Variants in ADAM32 observed in about 807,000 individuals in gnomAD.
ADAM32 encodes the protein ADAM metallopeptidase domain 32.
In ADAM32, 89 loss-of-function variants were observed where a neutral mutation model predicts 114.9. That is an observed-to-expected ratio of 0.77 (90% confidence interval 0.65 to 0.92). ADAM32 has a LOEUF of 0.92. Among genes scored for constraint, ADAM32 ranks in the 40% least tolerant of loss-of-function variants. The probability of loss-of-function intolerance (pLI) is 0.00; values close to 1 mark genes in which losing one functional copy is unlikely to be tolerated. For missense variants in ADAM32, 870 were observed against 932.8 expected, an observed-to-expected ratio of 0.93 and a Z score of 0.88; for synonymous variants, 285 against 307.5, an observed-to-expected ratio of 0.93 and a Z score of 0.77.
chr8:39,177,835 GC>G (rs1043007243), intron 10 of ADAM32, among the ~76,000 whole-genome samples: 27 of 152,230 alleles, frequency 1.8e-4, no homozygotes, highest in African/African-American at 6.3e-4. Flanking sequence ...TTGAATATTG[GC>G]CCCCAATCTC....
intron 23 of ADAM32, 73 bp from the exon 24 acceptor site, chr8:39,283,513 A>G (rs1813573778): frequency 8.0e-7 from 1 of 1,244,400 alleles, no homozygotes; most frequent in Non-Finnish European, 1.1e-6. Flanking sequence ...AATTGCCATA[A>G]CAAATAAATA....
At chr8:39,276,877 T>A (rs887368781) in intron 22 of ADAM32, among the ~76,000 whole-genome samples, 3 of 152,186 alleles carry the variant, frequency 2.0e-5, no homozygotes, top group African/African-American at 4.8e-5. Flanking sequence ...TCTCAGATAA[T>A]AAAGGCTATG....
At chr8:39,205,840 A>G (rs1331645146) in intron 11 of ADAM32, among the ~76,000 whole-genome samples, 3 of 152,126 alleles carry the variant, frequency 2.0e-5, no homozygotes, top group African/African-American at 7.2e-5. Context: ...TTTCTTTACT[A>G]TCATTATTTT....
intron 15 of ADAM32, among the ~76,000 whole-genome samples, chr8:39,233,251 T>C (rs1029803560): frequency 5.3e-5 from 8 of 152,202 alleles, no homozygotes; most frequent in African/African-American, 1.7e-4. Context: ...CTTACACTTA[T>C]TGTTACTTCT....
chr8:39,207,041 G>A (rs1005272768), intron 11 of ADAM32, among the ~76,000 whole-genome samples: 7 of 152,096 alleles, frequency 4.6e-5, no homozygotes, highest in African/African-American at 7.2e-5. Flanking sequence ...CTGTCCCACC[G>A]CTAGGACTGT....
At chr8:39,122,834 G>A (rs1801858819) in intron 2 of ADAM32, among the ~76,000 whole-genome samples, 1 of 152,208 alleles carries the variant, frequency 6.6e-6, no homozygotes, top group African/African-American at 2.4e-5. Context: ...CTCCCAAAGT[G>A]TTGGGATTAC....
At chr8:39,275,955 A>C in intron 22 of ADAM32, 89 bp downstream of exon 22, 2 of 1,269,034 alleles carry the variant, frequency 1.6e-6, no homozygotes, top group South Asian at 2.9e-5. Context: ...TTACTTGCTA[A>C]CTATTAACTG....
chr8:39,172,954 C>T (rs1805288847), intron 10 of ADAM32, among the ~76,000 whole-genome samples: 1 of 152,198 alleles, frequency 6.6e-6, no homozygotes, highest in Non-Finnish European at 1.5e-5. Flanking sequence ...TTTACATTCC[C>T]ACCAACAGTC....
chr8:39,267,168 G>A (rs1275498393), intron 19 of ADAM32, among the ~76,000 whole-genome samples: 2 of 152,204 alleles, frequency 1.3e-5, no homozygotes, highest in African/African-American at 4.8e-5. Flanking sequence ...TGTGCATGCT[G>A]GCAGGGTGGT....
intron 11 of ADAM32, among the ~76,000 whole-genome samples, chr8:39,187,529 C>T (rs1806326842): frequency 6.6e-6 from 1 of 152,188 alleles, no homozygotes; most frequent in African/African-American, 2.4e-5. Context: ...CCTCGGCCTC[C>T]CAAAGTGCTG....
intron 1 of ADAM32, among the ~76,000 whole-genome samples, chr8:39,114,803 A>G (rs1310893268): frequency 6.6e-6 from 1 of 152,156 alleles, no homozygotes; most frequent in Admixed American, 6.6e-5. Context: ...TCTATGTACA[A>G]ATGATTTCAT....
chr8:39,201,564 C>T (rs908182724), intron 11 of ADAM32, among the ~76,000 whole-genome samples: 2 of 152,192 alleles, frequency 1.3e-5, no homozygotes, highest in Admixed American at 6.5e-5. Flanking sequence ...ACAATCACGT[C>T]ATCTGCAAAC....
intron 11 of ADAM32, among the ~76,000 whole-genome samples, chr8:39,201,248 A>G (rs9771995): frequency 0.71 from 108,107 of 152,000 alleles, 38,616 homozygotes; most frequent in Middle Eastern, 0.79. Flanking sequence ...GATTCTTCCT[A>G]CCCATGAGCA....
intron 2 of ADAM32, chr8:39,130,956 C>CTTTTTTTTTTTTTT (rs71218310): frequency 3.5e-6 from 1 of 284,504 alleles, no homozygotes. Flanking sequence ...AGGAGGATGT[C>CTTTTTTTTTTTTTT]TTTTTTTTTT....
rs75564218 is a variant in ADAM32, at chr8:39,133,668, G to T, written c.139-2989G>T. Reference sequence around the variant, plus strand: ...CCCAGGCTCCTGGCTGGTGCATGTGGGTGGGCACTGGTCAGGGTTGTGGCA... The same window carrying T: ...CCCAGGCTCCTGGCTGGTGCATGTGTGTGGGCACTGGTCAGGGTTGTGGCA... On this transcript the variant is annotated intron_variant, in intron 2 of 24. Coordinates refer to ENST00000379907, the MANE Select transcript of ADAM32 (RefSeq NM_145004.7). Among the ~76,000 whole-genome samples, 7 of 152,358 alleles carry T rather than the reference G, an allele frequency of 4.6e-5. No homozygotes were observed. In the East Asian group the frequency reaches 1.2e-3, roughly 25 times the overall value.
chr8:39,207,972 G>A (rs927476295), intron 11 of ADAM32, among the ~76,000 whole-genome samples: 1 of 152,072 alleles, frequency 6.6e-6, no homozygotes, highest in African/African-American at 2.4e-5. Flanking sequence ...CAGTTTATCT[G>A]TAGATGGGCA....
chr8:39,219,627 G>A (rs967774979), intron 12 of ADAM32, among the ~76,000 whole-genome samples: 7 of 152,180 alleles, frequency 4.6e-5, no homozygotes, highest in African/African-American at 7.2e-5. Flanking sequence ...CTGCTGCTGG[G>A]GGATAAGGGA....
Position 39,233,922 on chromosome 8 carries a change from T to C in ADAM32, c.1658T>C (p.Val553Ala). Residue 553 changes from valine to alanine, a missense_variant, in exon 16 of 25, where the codon GTT becomes GCT. Val to Ala is a moderately conservative substitution (Grantham distance 64, BLOSUM62 0). Coordinates refer to ENST00000379907, the MANE Select transcript of ADAM32 (RefSeq NM_145004.7). ...GWRNLICGRL[V>A]CTYPTRKPFH... ...AGGAATCTTATATGTGGAAGATTAG[T>C]TTGTACCTACCCTACTCGAAAGCCT... 1 of 1,562,098 alleles carries C rather than the reference T, an allele frequency of 6.4e-7. No individual in the cohort carries two copies. Among genetic ancestry groups the C allele is most frequent in the Non-Finnish European group, 8.7e-7 (1 of 1,155,196 alleles).
At chr8:39,264,741 T>C (rs1333889033) in intron 19 of ADAM32, among the ~76,000 whole-genome samples, 2 of 152,202 alleles carry the variant, frequency 1.3e-5, no homozygotes, top group East Asian at 1.9e-4. Flanking sequence ...GTTTCTGTTA[T>C]GTTATATGTT....
Sources: gnomAD v4.1 joint callset for allele counts (sites outside exome capture counted in the v4.1 genomes callset) on GRCh38, gnomAD v4.1.1 for gene constraint, MANE v1.5 for transcripts, NCBI Gene and HGNC (gene_info 2026-07-23, HGNC 2026-07-21) for gene names.